Variants in CHSY3 observed in about 807,000 individuals in gnomAD.
CHSY3 encodes the protein chondroitin sulfate synthase 3, also known as N-acetylgalactosaminyl-proteoglycan 3-beta-glucuronosyltransferase 3.
CHSY3 carries 35 observed loss-of-function variants against 67.2 expected under a neutral mutation model. That is an observed-to-expected ratio of 0.52 (90% CI 0.40 to 0.69). CHSY3 has a LOEUF of 0.69. Among genes scored for constraint, CHSY3 ranks in the 30% least tolerant of loss-of-function variants. CHSY3 has a pLI of 0.00. For synonymous variants in CHSY3, 474 were observed against 434.7 expected, an observed-to-expected ratio of 1.09 and a Z score of -1.12; for missense variants, 1,069 against 1,138.5, an observed-to-expected ratio of 0.94 and a Z score of 0.88.
chr5:129,924,581 G>A (rs1761034147), intron 2 of CHSY3, among the ~76,000 whole-genome samples: 1 of 150,936 alleles, frequency 6.6e-6, no homozygotes, highest in Admixed American at 6.6e-5. Context: ...GGGAGGCAGA[G>A]GTTGCAGTGA....
At chr5:129,980,410 ATCT>A (rs2149621716) in intron 2 of CHSY3, among the ~76,000 whole-genome samples, 1 of 152,270 alleles carries the variant, frequency 6.6e-6, no homozygotes, top group East Asian at 1.9e-4. Context: ...CTATCTATCT[ATCT>A]TCTTTGGTGA....
At chr5:130,180,320 A>G (rs1770206106) in intron 2 of CHSY3, among the ~76,000 whole-genome samples, 1 of 152,032 alleles carries the variant, frequency 6.6e-6, no homozygotes, top group Non-Finnish European at 1.5e-5. Context: ...GAGGTATTTT[A>G]TTTTTATTCC....
intron 2 of CHSY3, among the ~76,000 whole-genome samples, chr5:129,930,599 G>T (rs1187620261): frequency 4.0e-5 from 6 of 151,322 alleles, no homozygotes; most frequent in Non-Finnish European, 8.8e-5. Context: ...TGCATATGAT[G>T]CCCTGAGGGG....
chr5:130,115,151 T>C (rs1429060379), intron 2 of CHSY3, among the ~76,000 whole-genome samples: 1 of 149,132 alleles, frequency 6.7e-6, no homozygotes, highest in African/African-American at 2.6e-5. Context: ...CACAATGAGA[T>C]TGAAAGATTA....
intron 2 of CHSY3, among the ~76,000 whole-genome samples, chr5:130,158,413 G>A (rs1348219524): frequency 6.6e-6 from 1 of 152,212 alleles, no homozygotes; most frequent in African/African-American, 2.4e-5. Context: ...TGTTCTTAAA[G>A]AAGCAAGTAA....
Position 130,186,144 on chromosome 5 carries a change from G to A in CHSY3, c.*353G>A, listed in dbSNP as rs73788439. ...TCTTGGGGCTTAAAGATGCAATATC[G>A]ACTTTTATTTGGTTTCTCAAATTCA... On this transcript the variant is annotated 3_prime_UTR_variant, in exon 3 of 3. Transcript: ENST00000305031. 0.024 allele frequency: 3,789 copies of A among 154,748 alleles called. 151 individuals carry two copies. Among genetic ancestry groups the A allele is most frequent in the African/African-American group, 0.083 (3,442 of 41,586 alleles). 9.6% of individuals were successfully genotyped at this position (154,748 alleles called of 1,614,324 possible).
chr5:130,112,903 G>A (rs932566886), intron 2 of CHSY3, among the ~76,000 whole-genome samples: 10 of 151,898 alleles, frequency 6.6e-5, no homozygotes, highest in African/African-American at 1.7e-4. Context: ...TTTTCACTCC[G>A]TTTCCCTTTG....
At chr5:129,916,454 G>T (rs1409073194) in intron 2 of CHSY3, among the ~76,000 whole-genome samples, 2 of 152,042 alleles carry the variant, frequency 1.3e-5, no homozygotes, top group Admixed American at 6.6e-5. Flanking sequence ...TATTTAAAAG[G>T]TCTGCTTTTA....
At chr5:129,916,463 T>TATA (rs1760732609) in intron 2 of CHSY3, among the ~76,000 whole-genome samples, 1 of 152,218 alleles carries the variant, frequency 6.6e-6, no homozygotes, top group Non-Finnish European at 1.5e-5. Context: ...GGTCTGCTTT[T>TATA]ATAATAATAA....
chr5:130,003,095 G>A (rs1237720212), intron 2 of CHSY3, among the ~76,000 whole-genome samples: 2 of 152,178 alleles, frequency 1.3e-5, no homozygotes, highest in Non-Finnish European at 2.9e-5. Flanking sequence ...CTGCAGATCA[G>A]ATATGACTGT....
At chr5:129,952,621 C>G (rs1308105267) in intron 2 of CHSY3, among the ~76,000 whole-genome samples, 1 of 152,084 alleles carries the variant, frequency 6.6e-6, no homozygotes, top group Non-Finnish European at 1.5e-5. Flanking sequence ...GCAATTTCTT[C>G]TTTATAGAAT....
rs143686288 is a variant in CHSY3, at chr5:130,101,053, T to C, written c.1087-83176T>C. ...ATTAAACAGTCCCGCAAGTACTTTT[T>C]AATTGAAAGTGAAAACTGCTAGCAA... On this transcript the variant is annotated intron_variant, in intron 2 of 2. Coordinates refer to ENST00000305031, the MANE Select transcript of CHSY3 (RefSeq NM_175856.5). 2.3e-3 allele frequency among the ~76,000 whole-genome samples: 357 copies of C among 152,352 alleles called. 1 individual carries two copies. Among genetic ancestry groups the C allele is most frequent in the African/African-American group, 8.0e-3 (331 of 41,590 alleles).
chr5:129,957,814 A>G (rs560478944), intron 2 of CHSY3, among the ~76,000 whole-genome samples: 24 of 152,144 alleles, frequency 1.6e-4, no homozygotes, highest in Non-Finnish European at 3.2e-4. Context: ...ATTAATTTCA[A>G]TATAAACACT....
chr5:130,097,677 G>T (rs1767094300), intron 2 of CHSY3, among the ~76,000 whole-genome samples: 1 of 152,132 alleles, frequency 6.6e-6, no homozygotes, highest in Non-Finnish European at 1.5e-5. Context: ...TTTTTATTTT[G>T]AGATAATTGT....
intron 2 of CHSY3, among the ~76,000 whole-genome samples, chr5:129,912,135 T>C (rs1760581221): frequency 6.6e-6 from 1 of 152,140 alleles, no homozygotes; most frequent in South Asian, 2.1e-4. Flanking sequence ...CAAATATCTG[T>C]TTCAGTCTTT....
intron 2 of CHSY3, among the ~76,000 whole-genome samples, chr5:129,993,307 G>T (rs1280175368): frequency 6.6e-6 from 1 of 151,988 alleles, no homozygotes; most frequent in African/African-American, 2.4e-5. Flanking sequence ...TTGACAGTGG[G>T]GTGTTAAAGT....
At chr5:129,955,591 A>C (rs1762148605) in intron 2 of CHSY3, among the ~76,000 whole-genome samples, 1 of 151,666 alleles carries the variant, frequency 6.6e-6, no homozygotes, top group Admixed American at 6.6e-5. Flanking sequence ...GTACATGTGT[A>C]GGTTTGTTAC....
Position 129,905,252 on chromosome 5 carries a change from G to A in CHSY3, c.423G>A (p.Ala141=). 2 of 1,458,004 alleles carry A rather than the reference G, an allele frequency of 1.4e-6. No individual in the cohort carries two copies. Among genetic ancestry groups the A allele is most frequent in the East Asian group, 2.6e-5 (1 of 38,590 alleles). The allele number at this position is 1,458,004 out of a possible 1,614,324, so 90.3% of individuals were successfully genotyped here. A position where few individuals can be genotyped will look rare whatever the true frequency, so the allele number is the denominator to read the frequency against. ...EGEPEEEDGG[A]AGQRRDGRPG... is the part of the protein sequence containing the mutation. ...AGCCCGAGGAGGAGGACGGGGGCGCGGCTGGGCAGCGGAGAGACGGCCGGC... is the reference window on the plus strand; with the variant it reads ...AGCCCGAGGAGGAGGACGGGGGCGCAGCTGGGCAGCGGAGAGACGGCCGGC... The change falls in exon 1 of 3, where the codon GCG becomes GCA. Residue 141 remains alanine, a synonymous_variant. Transcript: ENST00000305031.
rs762548489 is a variant in CHSY3 at position 130,184,752 on chromosome 5, A to G, written c.1610A>G (p.Tyr537Cys). 1.9e-6 allele frequency: 3 copies of G among 1,603,722 alleles called. No individual in the cohort carries two copies. The highest frequency in any genetic ancestry group is 2.6e-6 in the Non-Finnish European group (3 of 1,170,516). The stretch of plus-strand genomic sequence containing the variant: ...GTTAACCCCATGCACGGGGTGGAGT[A>G]CATTTTGGATTTACTCCTTTTATAC... ...RRVNPMHGVE[Y>C]ILDLLLLYKR... Residue 537 changes from tyrosine (Y) to cysteine (C), a missense_variant, in exon 3 of 3, where the codon TAC becomes TGC. Transcript: ENST00000305031.
Sources: gnomAD v4.1 joint callset for allele counts (sites outside exome capture counted in the v4.1 genomes callset) on GRCh38, gnomAD v4.1.1 for gene constraint, MANE v1.5 for transcripts, NCBI Gene and HGNC (gene_info 2026-07-23, HGNC 2026-07-21) for gene names.